Variants in EPHA7 observed in about 807,000 individuals in gnomAD.
EPHA7 encodes ephrin type-A receptor 7.
Under a neutral mutation model 112.6 loss-of-function variants are expected in EPHA7, and 25 were observed. That is an observed-to-expected ratio of 0.22 (90% confidence interval 0.16 to 0.31). The LOEUF is 0.31. EPHA7 is among the 10% of genes least tolerant of loss of function. EPHA7 has a pLI of 1.00. For synonymous variants in EPHA7, 437 were observed against 406.5 expected, an observed-to-expected ratio of 1.07 and a Z score of -0.90; for missense variants, 962 against 1,212.6, an observed-to-expected ratio of 0.79 and a Z score of 3.07.
intron 5 of EPHA7, among the ~76,000 whole-genome samples, chr6:93,347,383 C>T (rs941550823): frequency 2.6e-5 from 4 of 151,746 alleles, no homozygotes; most frequent in Non-Finnish European, 5.9e-5. Flanking sequence ...TACTATTGGT[C>T]ATTTTCTGCT....
At chr6:93,252,018 G>A (rs927790246) in intron 14 of EPHA7, among the ~76,000 whole-genome samples, 4 of 152,150 alleles carry the variant, frequency 2.6e-5, no homozygotes, top group African/African-American at 9.6e-5. Context: ...ATTTGAGTAT[G>A]AGTCTGGTCA....
intron 5 of EPHA7, among the ~76,000 whole-genome samples, chr6:93,336,228 C>T (rs898835957): frequency 2.0e-5 from 3 of 152,156 alleles, no homozygotes; most frequent in South Asian, 2.1e-4. Flanking sequence ...AAATATTTCT[C>T]ACAACCTCTT....
intron 5 of EPHA7, among the ~76,000 whole-genome samples, chr6:93,351,330 G>T (rs1582573711): frequency 6.6e-6 from 1 of 151,900 alleles, no homozygotes; most frequent in Admixed American, 6.6e-5. Flanking sequence ...GGTCCTGCTT[G>T]CTTCCCTTCT....
At chr6:93,390,578 A>C (rs1384429081) in intron 3 of EPHA7, among the ~76,000 whole-genome samples, 1 of 151,688 alleles carries the variant, frequency 6.6e-6, no homozygotes, top group Non-Finnish European at 1.5e-5. Context: ...ACAAAAAAAA[A>C]AAAAAAGTTT....
chr6:93,269,205 T>A (rs1047156132), intron 7 of EPHA7, among the ~76,000 whole-genome samples: 5 of 151,758 alleles, frequency 3.3e-5, no homozygotes, highest in African/African-American at 1.2e-4. Context: ...ATTGAATCAG[T>A]CCTGCTTCTG....
At chr6:93,272,264 C>T (rs1215344650) in intron 6 of EPHA7, 34 bp downstream of exon 6, 2 of 1,608,820 alleles carry the variant, frequency 1.2e-6, no homozygotes, top group African/African-American at 1.3e-5. Context: ...AGACACACAG[C>T]ACATTGTACA....
In EPHA7 at chr6:93,272,385, T is replaced by A. The variant is rs1771269608; in HGVS notation, c.1362A>T (p.Val454=). 2 of 1,611,978 alleles carry A rather than the reference T, an allele frequency of 1.2e-6. No homozygotes were observed. The highest frequency in any genetic ancestry group is 1.7e-6 in the Non-Finnish European group (2 of 1,178,590). The change falls in exon 6 of 17, where the codon GTA becomes GTT. Residue 454 remains valine, a synonymous_variant. Coordinates refer to ENST00000369303, the MANE Select transcript of EPHA7 (RefSeq NM_004440.4). ...AGGAAAGCTCGACACTCCGCTGCAG[T>A]ACTCTCTCCTTCATTACTCCACTCA... ...SQVSGVMKER[V]LQRSVELSWQ... is the part of the protein sequence containing the mutation.
chr6:93,350,422 A>G (rs75429628), intron 5 of EPHA7, among the ~76,000 whole-genome samples: 10 of 152,136 alleles, frequency 6.6e-5, no homozygotes, highest in African/African-American at 2.4e-4. Context: ...GGTCATCACT[A>G]TATAATTTAC....
intron 5 of EPHA7, among the ~76,000 whole-genome samples, chr6:93,312,779 G>A (rs982806607): frequency 6.6e-6 from 1 of 152,160 alleles, no homozygotes; most frequent in Non-Finnish European, 1.5e-5. Context: ...TTGATTTAAA[G>A]TGAGAGACCT....
intron 5 of EPHA7, among the ~76,000 whole-genome samples, chr6:93,353,502 C>A (rs888458790): frequency 2.6e-5 from 4 of 152,028 alleles, no homozygotes; most frequent in Admixed American, 2.6e-4. Context: ...TGTTATAATA[C>A]GTTAACTGCC....
At chr6:93,313,412 T>C (rs1773639442) in intron 5 of EPHA7, among the ~76,000 whole-genome samples, 1 of 150,648 alleles carries the variant, frequency 6.6e-6, no homozygotes, top group Non-Finnish European at 1.5e-5. Flanking sequence ...AGCTGGTGAT[T>C]ATTTTCTTTC....
intron 5 of EPHA7, among the ~76,000 whole-genome samples, chr6:93,278,013 C>A (rs1368624225): frequency 2.0e-5 from 3 of 151,934 alleles, no homozygotes; most frequent in African/African-American, 7.2e-5. Flanking sequence ...TTTGATCAAC[C>A]AAGAATCATT....
chr6:93,334,672 G>A (rs191469033), intron 5 of EPHA7, among the ~76,000 whole-genome samples: 30 of 152,116 alleles, frequency 2.0e-4, no homozygotes, highest in Non-Finnish European at 3.7e-4. Flanking sequence ...TAAGGTGTTA[G>A]CATTTCTGCT....
intron 5 of EPHA7, among the ~76,000 whole-genome samples, chr6:93,353,777 A>T (rs1775809877): frequency 6.6e-6 from 1 of 152,004 alleles, no homozygotes; most frequent in Admixed American, 6.6e-5. Context: ...CCCAAAATGT[A>T]TATACCTCAT....
At chr6:93,256,605 A>G (rs1288591685) in intron 12 of EPHA7, among the ~76,000 whole-genome samples, 1 of 152,062 alleles carries the variant, frequency 6.6e-6, no homozygotes, top group Non-Finnish European at 1.5e-5. Flanking sequence ...ATTCTCTAGG[A>G]CAGATGTACT....
chr6:93,405,781 A>ATGTGTGTGTG (rs1483601685), intron 3 of EPHA7, among the ~76,000 whole-genome samples: 1 of 83,586 alleles, frequency 1.2e-5, no homozygotes, highest in Non-Finnish European at 2.3e-5. Flanking sequence ...ATTTCTGTAT[A>ATGTGTGTGTG]TATGTGTGTG....
chr6:93,269,516 C>T lies in EPHA7; in HGVS notation c.1594G>A (p.Val532Ile). ...CCTGTAGCTTCCTCTAGTGTAGCAA[C>T]ATCAAGTCTGGGACTGTAATTTCCA... Reference protein sequence around the residue: ...GYGNYSPRLDVATLEEATGKM... With the variant: ...GYGNYSPRLDIATLEEATGKM... Residue 532 changes from valine to isoleucine, a missense_variant, in exon 7 of 17, where the codon GTT becomes ATT. Transcript: ENST00000369303. 1 of 1,611,194 alleles carries T rather than the reference C, an allele frequency of 6.2e-7. No individual in the cohort carries two copies. Among genetic ancestry groups the T allele is most frequent in the South Asian group, 1.1e-5 (1 of 91,010 alleles).
At chr6:93,292,115 TC>T (rs1772411816) in intron 5 of EPHA7, among the ~76,000 whole-genome samples, 1 of 152,098 alleles carries the variant, frequency 6.6e-6, no homozygotes, top group Non-Finnish European at 1.5e-5. Flanking sequence ...CTGAAGACAC[TC>T]CCCACACTCC....
chr6:93,374,365 CATCT>C (rs1485833812), intron 3 of EPHA7, among the ~76,000 whole-genome samples: 6 of 152,124 alleles, frequency 3.9e-5, no homozygotes, highest in Admixed American at 3.9e-4. Context: ...ATCTCTCTAT[CATCT>C]ATCTGTCTCA....
Sources: gnomAD v4.1 joint callset for allele counts (sites outside exome capture counted in the v4.1 genomes callset) on GRCh38, gnomAD v4.1.1 for gene constraint, MANE v1.5 for transcripts, NCBI Gene and HGNC (gene_info 2026-07-23, HGNC 2026-07-21) for gene names.